Variants in CLASP1 observed in about 807,000 individuals in gnomAD.
CLASP1 encodes the protein CLIP-associating protein 1.
A neutral mutation model predicts 192.3 loss-of-function variants in CLASP1; 38 were observed. That is an observed-to-expected ratio of 0.20 (90% CI 0.15 to 0.26). The LOEUF (loss-of-function observed/expected upper bound fraction) is 0.26. CLASP1 is among the 10% of genes least tolerant of loss of function. The pLI, the probability that CLASP1 is intolerant of heterozygous loss-of-function variation, is 1.00. For missense variants in CLASP1, 1,433 were observed against 1,932.5 expected, an observed-to-expected ratio of 0.74 and a Z score of 4.85; for synonymous variants, 691 against 712.8, an observed-to-expected ratio of 0.97 and a Z score of 0.49.
At chr2:121,502,168 C>T (rs936141090) in intron 8 of CLASP1, among the ~76,000 whole-genome samples, 23 of 152,030 alleles carry the variant, frequency 1.5e-4, no homozygotes, top group African/African-American at 4.8e-4. Flanking sequence ...CAATAGACTA[C>T]AATTGACATC....
rs1355984470 is a variant in CLASP1 at position 121,530,948 on chromosome 2, T to TC, written c.196-624_196-623insG. ...TAGTGAGGGCAGTACTGCTAACGCC[T>TC]GAACAACACACCCGCATCAACTAGA... On this transcript the variant is annotated intron_variant, in intron 2 of 39. Transcript: ENST00000263710. 1 of 700,432 alleles carries TC rather than the reference T, an allele frequency of 1.4e-6. No homozygotes were observed. Among genetic ancestry groups the TC allele is most frequent in the Non-Finnish European group, 2.6e-6 (1 of 384,820 alleles). The allele number at this position is 700,432 out of a possible 1,614,324, so 43.4% of individuals were successfully genotyped here.
chr2:121,476,917 C>A (rs928452020), intron 8 of CLASP1, among the ~76,000 whole-genome samples: 1 of 152,216 alleles, frequency 6.6e-6, no homozygotes, highest in Non-Finnish European at 1.5e-5. Context: ...CCCAAAATTT[C>A]TTTCTTCTTG....
Position 121,499,521 on chromosome 2 carries a change from A to G in CLASP1, c.712+3646T>C, listed in dbSNP as rs527278747. On this transcript the variant is annotated intron_variant, in intron 8 of 39. Transcript: ENST00000263710. ...ACACTTTGTGAATATTCAAAAAAAA[A>G]AAAACACTAAAGCATTCACTTTAAA... Among the ~76,000 whole-genome samples the G allele has an allele frequency of 6.2e-3, 949 of 152,126 alleles. 13 individuals are homozygous for G. Among genetic ancestry groups the G allele is most frequent in the African/African-American group, 0.021 (880 of 41,532 alleles).
intron 2 of CLASP1, among the ~76,000 whole-genome samples, chr2:121,574,634 C>CAAA (rs1173756631): frequency 7.6e-5 from 6 of 79,012 alleles, no homozygotes; most frequent in Admixed American, 1.3e-4. Context: ...GACTCCATAT[C>CAAA]AAAAAAAAAA....
At chr2:121,600,625 G>A (rs1345874137) in intron 2 of CLASP1, among the ~76,000 whole-genome samples, 1 of 152,198 alleles carries the variant, frequency 6.6e-6, no homozygotes, top group Non-Finnish European at 1.5e-5. Flanking sequence ...ACAGAACTCT[G>A]TATATTTGCA....
At chr2:121,534,022 G>T (rs1156380872) in intron 2 of CLASP1, among the ~76,000 whole-genome samples, 1 of 152,210 alleles carries the variant, frequency 6.6e-6, no homozygotes, top group Non-Finnish European at 1.5e-5. Context: ...ACTAAAAAAT[G>T]CTGGACATAA....
chr2:121,380,898 T>C (rs1363563742), intron 33 of CLASP1, among the ~76,000 whole-genome samples: 1 of 152,220 alleles, frequency 6.6e-6, no homozygotes, highest in African/African-American at 2.4e-5. Flanking sequence ...GAATGGGATG[T>C]GCTCTGGAGG....
At chr2:121,504,598 G>A (rs755191177) in intron 7 of CLASP1, among the ~76,000 whole-genome samples, 11 of 152,186 alleles carry the variant, frequency 7.2e-5, no homozygotes, top group African/African-American at 4.8e-5. Context: ...TCATTCATTT[G>A]TTCATTCACT....
chr2:121,397,257 A>G, exon 30 of CLASP1: 1 of 1,613,890 alleles, frequency 6.2e-7, no homozygotes, highest in South Asian at 1.1e-5. Flanking sequence ...CCAGAGACTC[A>G]ATGTATTTCA....
chr2:121,523,417 A>C (rs2094500814), intron 6 of CLASP1, among the ~76,000 whole-genome samples: 1 of 151,850 alleles, frequency 6.6e-6, no homozygotes, highest in Admixed American at 6.5e-5. Context: ...ATAGTATCAG[A>C]GAGTAGCCCA....
chr2:121,561,259 T>A (rs1362759741), intron 2 of CLASP1, among the ~76,000 whole-genome samples: 1 of 152,216 alleles, frequency 6.6e-6, no homozygotes, highest in Non-Finnish European at 1.5e-5. Flanking sequence ...AATAAAGGTA[T>A]ACTATAGGTT....
intron 1 of CLASP1, among the ~76,000 whole-genome samples, chr2:121,640,334 C>T (rs966797167): frequency 2.6e-5 from 4 of 152,092 alleles, no homozygotes; most frequent in Non-Finnish European, 4.4e-5. Flanking sequence ...CGAGCCTGCA[C>T]GTTGTGCACA....
chr2:121,474,454 A>C (rs1350180933), intron 8 of CLASP1, among the ~76,000 whole-genome samples: 1 of 152,156 alleles, frequency 6.6e-6, no homozygotes, highest in African/African-American at 2.4e-5. Flanking sequence ...GGGAAGGAGG[A>C]GGCCAGGCGA....
Position 121,530,891 on chromosome 2 carries a change from T to C in CLASP1, c.196-566A>G, listed in dbSNP as rs763786601. 201 of 693,630 alleles carry C rather than the reference T, an allele frequency of 2.9e-4. No individual in the cohort carries two copies. The highest frequency in any genetic ancestry group is 2.5e-4 in the South Asian group (17 of 67,280). The allele number at this position is 693,630 out of a possible 1,614,324, so 43.0% of individuals were successfully genotyped here. A position where few individuals can be genotyped will look rare whatever the true frequency, so the allele number is the denominator to read the frequency against. On this transcript the variant is annotated intron_variant, in intron 2 of 39. Coordinates refer to ENST00000263710, the Ensembl canonical transcript of CLASP1. ...GGACTTTCTATTATAACCATCCTTT[T>C]CTTGGGGTTGCGCTACTGTCCAATG...
intron 20 of CLASP1, among the ~76,000 whole-genome samples, chr2:121,427,664 G>A (rs540575967): frequency 6.6e-6 from 1 of 152,132 alleles, no homozygotes; most frequent in African/African-American, 2.4e-5. Flanking sequence ...AACCTACAAT[G>A]TGCCAGGCTC....
intron 2 of CLASP1, among the ~76,000 whole-genome samples, chr2:121,598,490 G>A (rs1354248841): frequency 6.6e-6 from 1 of 152,170 alleles, no homozygotes; most frequent in Non-Finnish European, 1.5e-5. Context: ...AAGAGCATAT[G>A]GTCTCACAAA....
At chr2:121,471,712 C>G (rs1468982192) in intron 8 of CLASP1, among the ~76,000 whole-genome samples, 1 of 152,138 alleles carries the variant, frequency 6.6e-6, no homozygotes, top group Non-Finnish European at 1.5e-5. Context: ...AAATCCATGT[C>G]CTTATGCAGA....
chr2:121,458,361 A>G (rs2087134078), intron 13 of CLASP1, among the ~76,000 whole-genome samples: 1 of 152,214 alleles, frequency 6.6e-6, no homozygotes, highest in Non-Finnish European at 1.5e-5. Context: ...TACTTGGATA[A>G]TTATTTAAAT....
At chr2:121,492,404 A>AAAAAAAAAAAG (rs1559423569) in intron 8 of CLASP1, among the ~76,000 whole-genome samples, 2 of 148,004 alleles carry the variant, frequency 1.4e-5, no homozygotes, top group African/African-American at 5.2e-5. Context: ...AAAAAAAAAA[A>AAAAAAAAAAAG]AAAAAAAAAA....
Sources: allele counts gnomAD v4.1 joint callset (sites outside exome capture counted in the v4.1 genomes callset), GRCh38; gene constraint gnomAD v4.1.1; transcripts MANE v1.5; gene names NCBI Gene and HGNC (gene_info 2026-07-23, HGNC 2026-07-21).